The following PBX1 variants were observed in gnomAD, a reference collection of about 807,000 sequenced individuals.
PBX1 encodes pre-B-cell leukemia transcription factor 1.
Under a neutral mutation model 53.4 loss-of-function variants are expected in PBX1, and 6 were observed. The ratio of observed to expected loss-of-function variants is 0.11; its 90% CI spans 0.06 to 0.22. The LOEUF is 0.22. Ranked by LOEUF, PBX1 falls within the 10% of genes least tolerant of loss-of-function variation. The probability of loss-of-function intolerance (pLI) is 1.00; values close to 1 mark genes in which losing one functional copy is unlikely to be tolerated. For missense variants in PBX1, 251 were observed against 551.4 expected (o/e 0.46, Z 5.46); for synonymous variants, 204 against 212.3 (o/e 0.96, Z 0.34).
At chr1:164,610,685 G>A (rs950094385) in intron 2 of PBX1, among the ~76,000 whole-genome samples, 1 of 152,216 alleles carries the variant, frequency 6.6e-6, no homozygotes, top group African/African-American at 2.4e-5. Context: ...CCTTAGGCCT[G>A]TTGTCCTAAA....
At chr1:164,702,691 AGGTGGTTG>A (rs1415742779) in intron 2 of PBX1, among the ~76,000 whole-genome samples, 9 of 149,534 alleles carry the variant, frequency 6.0e-5, no homozygotes, top group Non-Finnish European at 1.0e-4. Flanking sequence ...TGAAAGGGGG[AGGTGGTTG>A]GGGGATGGAG....
rs1669646029 is a variant in PBX1, at chr1:164,812,188, G to A, written c.997+39G>A. 3.2e-6 allele frequency: 5 copies of A among 1,569,722 alleles called. No individual in the cohort carries two copies. In the Admixed American group the frequency reaches 5.4e-5, roughly 17 times the overall value. ...TTGATTGGGGGTGGGGGAAGGAATT[G>A]TTCTCCATTTTTATACTGGCTGTTC... On this transcript the variant is annotated intron_variant, in intron 6 of 8. Transcript: ENST00000420696.
At chr1:164,795,914 T>C (rs531435593) in intron 3 of PBX1, among the ~76,000 whole-genome samples, 1 of 152,216 alleles carries the variant, frequency 6.6e-6, no homozygotes, top group South Asian at 2.1e-4. Flanking sequence ...AATTAGCTAT[T>C]GTAGCTCACC....
intron 2 of PBX1, among the ~76,000 whole-genome samples, chr1:164,759,853 C>T (rs1666717846): frequency 6.6e-6 from 1 of 152,142 alleles, no homozygotes; most frequent in African/African-American, 2.4e-5. Context: ...GCCTGTGCTC[C>T]TGACTCCTTA....
At chr1:164,842,616 TAA>T (rs1286515160) in intron 8 of PBX1, among the ~76,000 whole-genome samples, 1 of 152,266 alleles carries the variant, frequency 6.6e-6, no homozygotes, top group East Asian at 1.9e-4. Context: ...CTGGTAGAAT[TAA>T]AAGTTACATT....
At chr1:164,610,009 G>A (rs1448649361) in intron 2 of PBX1, among the ~76,000 whole-genome samples, 5 of 152,122 alleles carry the variant, frequency 3.3e-5, no homozygotes, top group Non-Finnish European at 7.3e-5. Flanking sequence ...ACCGGAACCT[G>A]TTACACCAGA....
At chr1:164,823,201 G>A (rs1401279094) in intron 8 of PBX1, among the ~76,000 whole-genome samples, 5 of 152,094 alleles carry the variant, frequency 3.3e-5, no homozygotes, top group Admixed American at 2.6e-4. Flanking sequence ...TCTTGTGCTT[G>A]TTCTAACTAC....
intron 2 of PBX1, among the ~76,000 whole-genome samples, chr1:164,785,399 T>G (rs1668124921): frequency 6.6e-6 from 1 of 152,186 alleles, no homozygotes; most frequent in Non-Finnish European, 1.5e-5. Flanking sequence ...CCACCTTTGG[T>G]TGAGAAGAAT....
At chr1:164,619,398 T>C (rs1657521556) in intron 2 of PBX1, among the ~76,000 whole-genome samples, 1 of 152,006 alleles carries the variant, frequency 6.6e-6, no homozygotes, top group Non-Finnish European at 1.5e-5. Flanking sequence ...TTGGAGCTAT[T>C]TACAATATCT....
At chr1:164,677,142 GACTGCAGTGGCACAATCTCGGCTC>G (rs1480071342) in intron 2 of PBX1, among the ~76,000 whole-genome samples, 11 of 148,670 alleles carry the variant, frequency 7.4e-5, no homozygotes, top group Non-Finnish European at 1.5e-4. Flanking sequence ...CCGGACTGCG[GACTGCAGTGGCACAATCTCGGCTC>G]ACTGCAAGCT....
intron 2 of PBX1, among the ~76,000 whole-genome samples, chr1:164,661,088 C>T (rs1283542947): frequency 6.6e-6 from 1 of 152,242 alleles, no homozygotes; most frequent in African/African-American, 2.4e-5. Flanking sequence ...TAAACACAGA[C>T]TGGAAGCAGC....
chr1:164,729,633 T>C (rs1342270769), intron 2 of PBX1, among the ~76,000 whole-genome samples: 1 of 152,200 alleles, frequency 6.6e-6, no homozygotes, highest in African/African-American at 2.4e-5. Flanking sequence ...GGTAGGTATA[T>C]TATTATCTCT....
At chr1:164,584,003 T>G (rs986484044) in intron 2 of PBX1, among the ~76,000 whole-genome samples, 7 of 152,142 alleles carry the variant, frequency 4.6e-5, no homozygotes, top group Admixed American at 2.6e-4. Flanking sequence ...AAGCTCCCCC[T>G]TGAAGATGGT....
At chr1:164,699,812 C>A (rs1186268388) in intron 2 of PBX1, among the ~76,000 whole-genome samples, 1 of 152,106 alleles carries the variant, frequency 6.6e-6, no homozygotes, top group Non-Finnish European at 1.5e-5. Context: ...AAAAGCCCAG[C>A]AGAAAGGGAG....
At chr1:164,885,878 G>A (rs1279369062) in intron 2 of PBX1, among the ~76,000 whole-genome samples, 3 of 151,824 alleles carry the variant, frequency 2.0e-5, no homozygotes, top group Non-Finnish European at 4.4e-5. Flanking sequence ...ATTTTCCTTA[G>A]CACTCAATAC....
rs1288611968 is a variant in PBX1 at position 164,870,338 on chromosome 1, TTTCTTTCTTTCTTTCTTTCTTTCG to T, written n.258-28849_258-28826del. The stretch of plus-strand genomic sequence containing the variant: ...CTTTCTTTCTTTCTTTCTTTCTTTC[TTTCTTTCTTTCTTTCTTTCTTTCG>T]AGATGAAGTCTTGCTCTGTCTCCCC... On this transcript the variant is annotated intron_variant and non_coding_transcript_variant, in intron 2 of 2. Coordinates refer to the PBX1 transcript ENST00000558796. 1.7e-3 allele frequency among the ~76,000 whole-genome samples: 200 copies of T among 119,570 alleles called. 11 individuals are homozygous for T. Among genetic ancestry groups the T allele is most frequent in the South Asian group, 2.3e-3 (8 of 3,460 alleles). The allele number at this position is 119,570 out of a possible 152,430, so 78.4% of individuals were successfully genotyped here.
chr1:164,812,210 G>C (rs1289514349), intron 6 of PBX1, 61 bp downstream of exon 6: 1 of 1,433,534 alleles, frequency 7.0e-7, no homozygotes, highest in East Asian at 2.4e-5. Flanking sequence ...TATACTGGCT[G>C]TTCCTACATT....
At chr1:164,717,352 A>G (rs769295365) in intron 2 of PBX1, among the ~76,000 whole-genome samples, 4 of 151,824 alleles carry the variant, frequency 2.6e-5, no homozygotes, top group Non-Finnish European at 5.9e-5. Context: ...GATCAGAACC[A>G]CTCTTTGGGA....
At chr1:164,677,245 A>G (rs1203695078) in intron 2 of PBX1, among the ~76,000 whole-genome samples, 1 of 151,574 alleles carries the variant, frequency 6.6e-6, no homozygotes, top group Non-Finnish European at 1.5e-5. Flanking sequence ...GGCGCCCGCC[A>G]CCGCGCCCGG....
Sources: gnomAD v4.1 joint callset for allele counts (sites outside exome capture counted in the v4.1 genomes callset) on GRCh38, gnomAD v4.1.1 for gene constraint, MANE v1.5 for transcripts, NCBI Gene and HGNC (gene_info 2026-07-23, HGNC 2026-07-21) for gene names.